MEIS1: variants seen among roughly 807,000 people sequenced by gnomAD.
The protein encoded by MEIS1 is homeobox protein Meis1.
In MEIS1, 5 loss-of-function variants were observed where a neutral mutation model predicts 50.8. The observed-to-expected ratio is 0.10, with a 90% CI of 0.05 to 0.21. The LOEUF is 0.21. Ranked by LOEUF, MEIS1 falls within the 10% of genes least tolerant of loss-of-function variation. The pLI is 1.00. For synonymous variants in MEIS1, 176 were observed against 179.3 expected, an observed-to-expected ratio of 0.98 and a Z score of 0.15; for missense variants, 318 against 517.3, an observed-to-expected ratio of 0.61 and a Z score of 3.74.
Position 66,572,414 on chromosome 2 carries a change from A to G in MEIS1, c.*1206A>G, listed in dbSNP as rs933031905. 1 of 152,244 alleles carries G rather than the reference A, an allele frequency of 6.6e-6. No individual in the cohort carries two copies. Among genetic ancestry groups the G allele is most frequent in the Non-Finnish European group, 1.5e-5 (1 of 68,042 alleles). 9.4% of individuals were successfully genotyped at this position (152,244 alleles called of 1,614,324 possible). ...TAGTCCCACCTTGGAGCATTTATGT[A>G]GACATTGTAAATAAATTTTGTGCAA... On this transcript the variant is annotated 3_prime_UTR_variant, in exon 13 of 13. Transcript: ENST00000272369.
intron 5 of MEIS1, 36 bp downstream of exon 5, chr2:66,441,500 C>G (rs1459846745): frequency 6.7e-7 from 1 of 1,502,632 alleles, no homozygotes; most frequent in Admixed American, 2.2e-5. Flanking sequence ...TTACTTACCC[C>G]TTACCCCCAA....
intron 6 of MEIS1, among the ~76,000 whole-genome samples, chr2:66,446,597 T>A (rs1417866322): frequency 1.3e-5 from 2 of 152,196 alleles, no homozygotes; most frequent in Non-Finnish European, 2.9e-5. Flanking sequence ...CGGGGGGTCC[T>A]CGTCTGAATC....
chr2:66,550,389 A>G (rs2192954), intron 9 of MEIS1, among the ~76,000 whole-genome samples: 86,675 of 152,050 alleles, frequency 0.57, 25,089 homozygotes, highest in African/African-American at 0.66. Context: ...GTTTTTCTTT[A>G]GTTTGACAAA....
rs59017279 is a variant in MEIS1 at position 66,558,279 on chromosome 2, CAAAAAAAAAAAAA to C, written c.966-9161_966-9149del. On this transcript the variant is annotated intron_variant, in intron 9 of 12. Transcript: ENST00000272369. ...GGGCAACAAGAGTGAAACTCCATCT[CAAAAAAAAAAAAA>C]AAAAAAAAAAAAGAAAAAAAGAAAA... 3.3e-4 allele frequency among the ~76,000 whole-genome samples: 19 copies of C among 57,108 alleles called. 1 individual carries two copies. Among genetic ancestry groups the C allele is most frequent in the South Asian group, 1.0e-3 (1 of 996 alleles). 37.5% of individuals were successfully genotyped at this position (57,108 alleles called of 152,430 possible).
At chr2:66,488,522 C>T (rs535114911) in intron 7 of MEIS1, among the ~76,000 whole-genome samples, 4 of 151,944 alleles carry the variant, frequency 2.6e-5, no homozygotes, top group Admixed American at 6.6e-5. Context: ...ACTAAAAATA[C>T]AAAAAATTAG....
chr2:66,482,716 G>A (rs1388261490), intron 7 of MEIS1, among the ~76,000 whole-genome samples: 1 of 152,206 alleles, frequency 6.6e-6, no homozygotes, highest in African/African-American at 2.4e-5. Context: ...TGTCCTCAAG[G>A]AATTGGTAGT....
chr2:66,458,429 G>T (rs1211589446), intron 6 of MEIS1, among the ~76,000 whole-genome samples: 1 of 152,144 alleles, frequency 6.6e-6, no homozygotes, highest in African/African-American at 2.4e-5. Context: ...GCCAGCTCAG[G>T]TTAACCATTC....
intron 6 of MEIS1, among the ~76,000 whole-genome samples, chr2:66,447,347 C>T (rs1310523129): frequency 6.6e-6 from 1 of 152,214 alleles, no homozygotes; most frequent in East Asian, 1.9e-4. Context: ...TGAAACCTCT[C>T]AGTCCACAGG....
At chr2:66,565,197 T>G (rs566352959) in intron 9 of MEIS1, among the ~76,000 whole-genome samples, 2 of 152,240 alleles carry the variant, frequency 1.3e-5, no homozygotes, top group East Asian at 3.9e-4. Context: ...GAGTTGATTA[T>G]TATGAATTAG....
intron 9 of MEIS1, among the ~76,000 whole-genome samples, chr2:66,566,308 T>A (rs1675345911): frequency 6.6e-6 from 1 of 152,192 alleles, no homozygotes; most frequent in Non-Finnish European, 1.5e-5. Flanking sequence ...CCCTGTCTGT[T>A]TAATGGTTTG....
Position 66,540,320 on chromosome 2 carries a change from T to C in MEIS1, c.889-7623T>C, listed in dbSNP as rs185026213. On this transcript the variant is annotated intron_variant, in intron 8 of 12. Coordinates refer to ENST00000272369, the MANE Select transcript of MEIS1 (RefSeq NM_002398.3). ...AAGGGCCTCCTGTCCTGTTTTTGTT[T>C]TGTTTTTTGTTTTTTGAGATGTCTG... 2.0e-4 allele frequency among the ~76,000 whole-genome samples: 30 copies of C among 152,296 alleles called. No individual in the cohort carries two copies. In the East Asian group the frequency reaches 4.6e-3, roughly 23 times the overall value.
chr2:66,446,487 T>G (rs990029352), intron 6 of MEIS1, among the ~76,000 whole-genome samples: 5 of 152,022 alleles, frequency 3.3e-5, no homozygotes, highest in Admixed American at 2.6e-4. Context: ...TAGCTAGGTC[T>G]GTGCTCGGGC....
intron 10 of MEIS1, 149 bp from the exon 11 acceptor site, chr2:66,568,518 G>GTGGC: frequency 2.9e-6 from 1 of 348,128 alleles, no homozygotes; most frequent in Non-Finnish European, 5.0e-6. Flanking sequence ...TCTAGTCTGA[G>GTGGC]AGAAATTTCA....
chr2:66,481,850 CTT>C lies in MEIS1; in HGVS notation c.742+17652_742+17653del, dbSNP rs996753363. ...TTGTGGCTCTTTAGGTCTGATATTT[CTT>C]TTTTTTTTTTTTTTTTTTTTTGAGA... On this transcript the variant is annotated intron_variant, in intron 7 of 12. Transcript: ENST00000272369. Among the ~76,000 whole-genome samples, 682 of 90,134 alleles carry C rather than the reference CTT, an allele frequency of 7.6e-3. 3 individuals carry two copies. The highest frequency in any genetic ancestry group is 0.024 in the African/African-American group (619 of 25,390). 59.1% of individuals were successfully genotyped at this position (90,134 alleles called of 152,430 possible). A position where few individuals can be genotyped will look rare whatever the true frequency, so the allele number is the denominator to read the frequency against.
At chr2:66,525,321 G>A (rs1394380107) in intron 8 of MEIS1, among the ~76,000 whole-genome samples, 1 of 152,212 alleles carries the variant, frequency 6.6e-6, no homozygotes, top group Non-Finnish European at 1.5e-5. Flanking sequence ...GATTCTGATT[G>A]AGAGGGTTGG....
chr2:66,485,930 A>G (rs1475600493), intron 7 of MEIS1, among the ~76,000 whole-genome samples: 18 of 152,070 alleles, frequency 1.2e-4, no homozygotes, highest in Admixed American at 1.2e-3. Context: ...TCCTTCACCC[A>G]CTTTTTCATG....
chr2:66,552,734 G>A (rs3772026), intron 9 of MEIS1, among the ~76,000 whole-genome samples: 55,687 of 151,972 alleles, frequency 0.37, 10,599 homozygotes, highest in Middle Eastern at 0.4. Flanking sequence ...AACAGATTCA[G>A]CTGTTAAAGG....
chr2:66,566,603 A>AC (rs5831820), intron 9 of MEIS1, among the ~76,000 whole-genome samples: 136,745 of 151,988 alleles, frequency 0.9, 62,194 homozygotes, highest in Middle Eastern at 0.98. Flanking sequence ...GCGTATATTA[A>AC]TACTTTTTTA....
chr2:66,466,557 G>C (rs570344891), intron 7 of MEIS1, among the ~76,000 whole-genome samples: 1 of 152,244 alleles, frequency 6.6e-6, no homozygotes, highest in East Asian at 1.9e-4. Context: ...CTTGGTCTTT[G>C]TGCAGCCTTC....
Sources: allele counts gnomAD v4.1 joint callset (sites outside exome capture counted in the v4.1 genomes callset), GRCh38; gene constraint gnomAD v4.1.1; transcripts MANE v1.5; gene names NCBI Gene and HGNC (gene_info 2026-07-23, HGNC 2026-07-21).